Variants in DENND5B observed in about 807,000 individuals in gnomAD.
The protein encoded by DENND5B is DENN domain-containing protein 5B.
DENND5B carries 34 observed loss-of-function variants against 140.6 expected under a neutral mutation model. That is an observed-to-expected ratio of 0.24 (90% CI 0.18 to 0.32). The LOEUF (loss-of-function observed/expected upper bound fraction) is 0.32, where lower values mean the gene tolerates loss of function less well. DENND5B is among the 10% of genes least tolerant of loss of function. DENND5B has a pLI of 1.00. For synonymous variants in DENND5B, 551 were observed against 562.1 expected, an observed-to-expected ratio of 0.98 and a Z score of 0.28; for missense variants, 1,142 against 1,560.2, an observed-to-expected ratio of 0.73 and a Z score of 4.52.
chr12:31,559,440 T>C (rs1295504016), intron 1 of DENND5B, among the ~76,000 whole-genome samples: 1 of 151,194 alleles, frequency 6.6e-6, no homozygotes, highest in Non-Finnish European at 1.5e-5. Context: ...CTTAAGCATG[T>C]AAAGTAGCTG....
chr12:31,426,482 T>C, intron 8 of DENND5B, 58 bp from the exon 9 acceptor site: 1 of 1,548,280 alleles, frequency 6.5e-7, no homozygotes, highest in Non-Finnish European at 8.7e-7. Flanking sequence ...CTAATCTTCT[T>C]AACCTTATAC....
intron 1 of DENND5B, among the ~76,000 whole-genome samples, chr12:31,580,453 T>A (rs1001673419): frequency 7.2e-5 from 11 of 152,140 alleles, no homozygotes; most frequent in Non-Finnish European, 1.6e-4. Context: ...TTCTCATTTT[T>A]AAGAAAACTC....
intron 14 of DENND5B, among the ~76,000 whole-genome samples, chr12:31,408,395 G>C (rs886975343): frequency 4.0e-5 from 6 of 151,568 alleles, no homozygotes; most frequent in African/African-American, 1.2e-4. Context: ...GGGAGGCTGA[G>C]GCAGGTGGGT....
intron 1 of DENND5B, among the ~76,000 whole-genome samples, chr12:31,544,972 A>G (rs1948808595): frequency 6.6e-6 from 1 of 152,140 alleles, no homozygotes; most frequent in Non-Finnish European, 1.5e-5. Flanking sequence ...CTACAGGGAA[A>G]ATAACCTAGT....
intron 3 of DENND5B, among the ~76,000 whole-genome samples, chr12:31,468,047 A>G (rs1413152863): frequency 2.0e-5 from 3 of 152,114 alleles, no homozygotes; most frequent in African/African-American, 4.8e-5. Flanking sequence ...TGAGCCCAGG[A>G]GTTCAAGACC....
At chr12:31,448,480 T>C (rs905293318) in intron 5 of DENND5B, among the ~76,000 whole-genome samples, 2 of 152,206 alleles carry the variant, frequency 1.3e-5, no homozygotes, top group Admixed American at 1.3e-4. Context: ...CTATGAAATA[T>C]ACTTTCAAGC....
chr12:31,512,250 G>A (rs1045013006), intron 1 of DENND5B, among the ~76,000 whole-genome samples: 6 of 151,776 alleles, frequency 4.0e-5, no homozygotes, highest in African/African-American at 1.5e-4. Context: ...GTCTTGCTCT[G>A]TGACCCGGGT....
intron 1 of DENND5B, among the ~76,000 whole-genome samples, chr12:31,582,519 A>T (rs1950238281): frequency 6.6e-6 from 1 of 152,238 alleles, no homozygotes; most frequent in South Asian, 2.1e-4. Context: ...TAAAAAGTTA[A>T]AAGTGGTATA....
chr12:31,536,141 GAGC>G (rs1184833655), intron 1 of DENND5B, among the ~76,000 whole-genome samples: 2 of 152,076 alleles, frequency 1.3e-5, no homozygotes, highest in African/African-American at 4.8e-5. Context: ...CCCAGAAGTC[GAGC>G]AGATGTCAGA....
rs1941513032 is a variant in DENND5B at position 31,397,081 on chromosome 12, A to G, written c.3256+1094T>C. Among the ~76,000 whole-genome samples the G allele has an allele frequency of 2.0e-5, 3 of 152,216 alleles. No individual in the cohort carries two copies. In the South Asian group the frequency reaches 6.2e-4, roughly 32 times the overall value. On this transcript the variant is annotated intron_variant, in intron 17 of 20. Transcript: ENST00000389082. Reference sequence around the variant, plus strand: ...CTATTAAAGCCTACATTAGTAATTTAGTCTATTAAAGCCTACATTAGTATA... The same window carrying G: ...CTATTAAAGCCTACATTAGTAATTTGGTCTATTAAAGCCTACATTAGTATA...
intron 19 of DENND5B, 64 bp downstream of exon 19, chr12:31,392,203 G>A (rs993352113): frequency 1.9e-6 from 3 of 1,572,558 alleles, no homozygotes; most frequent in Middle Eastern, 1.7e-4. Context: ...TCAGATTCCT[G>A]GGTCTTTGAG....
chr12:31,526,585 A>G (rs552700843), intron 1 of DENND5B, among the ~76,000 whole-genome samples: 2 of 152,368 alleles, frequency 1.3e-5, no homozygotes, highest in African/African-American at 4.8e-5. Flanking sequence ...ATCCTTTAAG[A>G]AGTAGTCTCT....
chr12:31,516,335 C>A (rs1150948), intron 1 of DENND5B, among the ~76,000 whole-genome samples: 1 of 151,738 alleles, frequency 6.6e-6, no homozygotes, highest in Non-Finnish European at 1.5e-5. Context: ...AATTAGACAG[C>A]TGTGGTGGTG....
intron 1 of DENND5B, among the ~76,000 whole-genome samples, chr12:31,586,113 T>C (rs1355744351): frequency 5.3e-5 from 8 of 152,196 alleles, no homozygotes; most frequent in South Asian, 2.1e-4. Context: ...GCTCAAAAGA[T>C]TGACTGCTGT....
chr12:31,507,553 G>C (rs560974229), intron 1 of DENND5B, among the ~76,000 whole-genome samples: 1 of 152,162 alleles, frequency 6.6e-6, no homozygotes, highest in South Asian at 2.1e-4. Flanking sequence ...AGAGTTCTCT[G>C]ATAATAAGGA....
rs988221886 is a variant in DENND5B at position 31,511,530 on chromosome 12, A to G, written c.128-15611T>C. On this transcript the variant is annotated intron_variant, in intron 1 of 20. Coordinates refer to ENST00000389082, the MANE Select transcript of DENND5B (RefSeq NM_144973.4). The stretch of plus-strand genomic sequence containing the variant: ...TTGGTTATCTTAATAATACGTGAAT[A>G]TGATGTCTTTTTTTTTTTTTTTAAC... Among the ~76,000 whole-genome samples, 84 of 122,032 alleles carry G rather than the reference A, an allele frequency of 6.9e-4. 1 individual carries two copies. The highest frequency in any genetic ancestry group is 2.6e-3 in the African/African-American group (81 of 31,754). The allele number at this position is 122,032 out of a possible 152,430, so 80.1% of individuals were successfully genotyped here. A position where few individuals can be genotyped will look rare whatever the true frequency, so the allele number is the denominator to read the frequency against.
Position 31,447,569 on chromosome 12 carries a change from T to C in DENND5B, c.1830A>G (p.Ile610Met), listed in dbSNP as rs34129725. 11,624 of 1,613,760 alleles carry C rather than the reference T, an allele frequency of 7.2e-3. 85 individuals carry two copies. Among genetic ancestry groups the C allele is most frequent in the Middle Eastern group, 0.014 (84 of 6,062 alleles). ...NVRAPTLRTSIYQKCSTLKEA... is the reference protein window; with the variant it reads ...NVRAPTLRTSMYQKCSTLKEA... ...CTTTTAAAGTGCTGCATTTCTGATA[T>C]ATAGATGTCCGCAAGGTGGGTGCCC... The change falls in exon 6 of 21, where the codon ATA (isoleucine) becomes ATG (methionine). Residue 610 changes from isoleucine to methionine, a missense_variant. Physicochemically the swap from Ile to Met is conservative, Grantham distance 10. Coordinates refer to ENST00000389082, the MANE Select transcript of DENND5B (RefSeq NM_144973.4).
chr12:31,525,331 TA>T (rs1341682719), intron 1 of DENND5B, among the ~76,000 whole-genome samples: 4 of 152,216 alleles, frequency 2.6e-5, no homozygotes, highest in Non-Finnish European at 5.9e-5. Context: ...AATATACTTC[TA>T]TAAAATAGAA....
intron 20 of DENND5B, among the ~76,000 whole-genome samples, chr12:31,388,893 T>G (rs550732067): frequency 2.0e-5 from 3 of 152,356 alleles, no homozygotes; most frequent in South Asian, 4.1e-4. Context: ...ATCTAACAAC[T>G]TCCTTATTAC....
Sources: allele counts gnomAD v4.1 joint callset (sites outside exome capture counted in the v4.1 genomes callset), GRCh38; gene constraint gnomAD v4.1.1; transcripts MANE v1.5; gene names NCBI Gene and HGNC (gene_info 2026-07-23, HGNC 2026-07-21).